SCGB2B2: variants seen among roughly 807,000 people sequenced by gnomAD.
The protein encoded by SCGB2B2 is secretoglobin-like protein.
SCGB2B2 carries 11 observed loss-of-function variants against 7.6 expected under a neutral mutation model. The ratio of observed to expected loss-of-function variants is 1.45; its 90% CI spans 0.91 to 2.40. SCGB2B2 has a LOEUF of 2.40. SCGB2B2 is among the 30% of genes most tolerant of loss of function. The pLI is 0.00. For synonymous variants in SCGB2B2, 50 were observed against 48.6 expected (o/e 1.03, Z -0.12); for missense variants, 104 against 115.4 (o/e 0.90, Z 0.45).
intron 1 of SCGB2B2, among the ~76,000 whole-genome samples, chr19:34,660,770 C>T (rs1173860035): frequency 6.6e-6 from 1 of 152,220 alleles, no homozygotes; most frequent in African/African-American, 2.4e-5. Flanking sequence ...GATCCCTTTA[C>T]TGGGTATATA....
downstream of SCGB2B2, among the ~76,000 whole-genome samples, chr19:34,589,185 C>T (rs554318462): frequency 2.6e-5 from 4 of 152,140 alleles, no homozygotes; most frequent in Non-Finnish European, 5.9e-5. Context: ...GTACTGCCCA[C>T]CTAAGACTGG....
intron 1 of SCGB2B2, chr19:34,608,687 C>CTATATATATATATATATATATATA (rs1568430852): frequency 7.5e-5 from 3 of 40,060 alleles, no homozygotes; most frequent in Non-Finnish European, 1.4e-4. Flanking sequence ...ATATATATAC[C>CTATATATATATATATATATATATA]GTATTTTCTT....
chr19:34,597,570 T>G (rs945119771), intron 1 of SCGB2B2, among the ~76,000 whole-genome samples: 5 of 152,202 alleles, frequency 3.3e-5, no homozygotes, highest in African/African-American at 9.6e-5. Flanking sequence ...GCTTAGGAAG[T>G]GCCTCCCTTG....
chr19:34,621,816 G>A (rs1455157859), intron 1 of SCGB2B2, among the ~76,000 whole-genome samples: 1 of 152,184 alleles, frequency 6.6e-6, no homozygotes, highest in Non-Finnish European at 1.5e-5. Context: ...TGGCTTCTGG[G>A]TTTTCTAGGG....
intron 1 of SCGB2B2, among the ~76,000 whole-genome samples, chr19:34,670,253 A>C (rs2067767530): frequency 6.6e-6 from 1 of 152,238 alleles, no homozygotes; most frequent in African/African-American, 2.4e-5. Context: ...CATAAAATAC[A>C]GAAAATAAAA....
chr19:34,655,234 T>C lies in SCGB2B2; in HGVS notation c.-2032+20396A>G, dbSNP rs901102461. On this transcript the variant is annotated intron_variant, in intron 1 of 3. Coordinates refer to ENST00000601241, the MANE Select transcript of SCGB2B2 (RefSeq NM_001025591.4). ...TCAGACCTGCCTCATTATACCCAAT[T>C]CCCTTTTGGAATTCAGGAAAAGCTG... 4.6e-5 allele frequency among the ~76,000 whole-genome samples: 7 copies of C among 151,106 alleles called. 1 individual carries two copies. The highest frequency in any genetic ancestry group is 1.7e-4 in the African/African-American group (7 of 40,452).
rs1019753342 is a variant in SCGB2B2 at position 34,650,732 on chromosome 19, G to A, written c.-2032+24898C>T. The stretch of plus-strand genomic sequence containing the variant: ...CTCTTCCTGAAAATTGAAGAGTACG[G>A]AATTCTTCCAAATTCATTTTACAAG... On this transcript the variant is annotated intron_variant, in intron 1 of 3. Coordinates refer to ENST00000601241, the MANE Select transcript of SCGB2B2 (RefSeq NM_001025591.4). Among the ~76,000 whole-genome samples, 2 of 151,228 alleles carry A rather than the reference G, an allele frequency of 1.3e-5. 1 individual carries two copies. Among genetic ancestry groups the A allele is most frequent in the Admixed American group, 1.3e-4 (2 of 15,252 alleles).
rs1279920423 is a variant in SCGB2B2 at position 34,594,927 on chromosome 19, G to A, written c.-364C>T. On this transcript the variant is annotated 5_prime_UTR_variant, in exon 2 of 4. In the 5' UTR this introduces an upstream ATG that the reference lacks. Transcript: ENST00000601241. ...CATGTGACCCTGTGTCTTGGCAAAC[G>A]TGTGTCTGCACTTGGCACGCCCTAG... 5 of 303,364 alleles carry A rather than the reference G, an allele frequency of 1.6e-5. No homozygotes were observed. The highest frequency in any genetic ancestry group is 1.3e-4 in the South Asian group (3 of 23,612). 18.8% of individuals were successfully genotyped at this position (303,364 alleles called of 1,614,324 possible). A position where few individuals can be genotyped will look rare whatever the true frequency, so the allele number is the denominator to read the frequency against.
intron 1 of SCGB2B2, among the ~76,000 whole-genome samples, chr19:34,610,853 T>G (rs1225485830): frequency 6.6e-6 from 1 of 151,568 alleles, no homozygotes; most frequent in Non-Finnish European, 1.5e-5. Flanking sequence ...TTTGAAAGAA[T>G]TCCATTCTTT....
At position 34,628,904 on chromosome 19, in the gene SCGB2B2, C is replaced by CA. The variant is rs1337941231; in HGVS notation, c.-2031-32311dup. Among the ~76,000 whole-genome samples, 5 of 151,940 alleles carry CA rather than the reference C, an allele frequency of 3.3e-5. 1 individual carries two copies. Among genetic ancestry groups the CA allele is most frequent in the Admixed American group, 2.0e-4 (3 of 15,248 alleles). On this transcript the variant is annotated intron_variant, in intron 1 of 3. Transcript: ENST00000601241. ...TGGCAAACCGAATCCAGCAGCACAT[C>CA]AAAAAGCTTATCCACCACAATCAAG...
chr19:34,607,613 C>T (rs960353849), intron 1 of SCGB2B2, among the ~76,000 whole-genome samples: 1 of 152,158 alleles, frequency 6.6e-6, no homozygotes, highest in Non-Finnish European at 1.5e-5. Flanking sequence ...CAAACACTTA[C>T]GATTTCTTGT....
At chr19:34,599,453 G>A (rs1460591664) in intron 1 of SCGB2B2, among the ~76,000 whole-genome samples, 1 of 152,342 alleles carries the variant, frequency 6.6e-6, no homozygotes, top group South Asian at 2.1e-4. Context: ...TCACAATCAC[G>A]GTGGAAGGTG....
At chr19:34,586,443 TTCC>T (rs1205688332), downstream of SCGB2B2, among the ~76,000 whole-genome samples, 1 of 152,186 alleles carries the variant, frequency 6.6e-6, no homozygotes, top group East Asian at 1.9e-4. Context: ...CCTTAATCCC[TTCC>T]TCCTCTCTAG....
Position 34,596,333 on chromosome 19 carries a change from C to T in SCGB2B2, c.-1770G>A, listed in dbSNP as rs2065451587. The T allele has an allele frequency of 6.6e-6, 1 of 152,322 alleles. No homozygotes were observed. The allele number at this position is 152,322 out of a possible 1,614,324, so 9.4% of individuals were successfully genotyped here. A position where few individuals can be genotyped will look rare whatever the true frequency, so the allele number is the denominator to read the frequency against. ...TCCCTGCCACCTGTGGTCCTGCAGCCTGGGCTGCAACCTGCGCAGTGCAGG... is the reference window on the plus strand; with the variant it reads ...TCCCTGCCACCTGTGGTCCTGCAGCTTGGGCTGCAACCTGCGCAGTGCAGG... On this transcript the variant is annotated 5_prime_UTR_variant, in exon 2 of 4. Transcript: ENST00000601241.
rs1189296393 is a variant in SCGB2B2 at position 34,658,790 on chromosome 19, C to CACAACA, written c.-2032+16834_-2032+16839dup. ...TCCTGATACCAAAGCCTGGCAGAGACACAACAACAACAACAACAACAACAA... is the reference window on the plus strand; with the variant it reads ...TCCTGATACCAAAGCCTGGCAGAGACACAACAACAACAACAACAACAACAACAACAA... On this transcript the variant is annotated intron_variant, in intron 1 of 3. Coordinates refer to ENST00000601241, the MANE Select transcript of SCGB2B2 (RefSeq NM_001025591.4). Among the ~76,000 whole-genome samples, 35 of 115,368 alleles carry CACAACA rather than the reference C, an allele frequency of 3.0e-4. 4 individuals carry two copies. The highest frequency in any genetic ancestry group is 4.9e-4 in the East Asian group (2 of 4,110). 75.7% of individuals were successfully genotyped at this position (115,368 alleles called of 152,430 possible). A position where few individuals can be genotyped will look rare whatever the true frequency, so the allele number is the denominator to read the frequency against.
At chr19:34,637,811 C>T (rs2066727737) in intron 1 of SCGB2B2, 2 of 152,084 alleles carry the variant, frequency 1.3e-5, no homozygotes, top group Admixed American at 6.6e-5. Context: ...GGGAATACAC[C>T]ACCCGATGGG....
intron 1 of SCGB2B2, among the ~76,000 whole-genome samples, chr19:34,623,787 C>G (rs1232047029): frequency 6.6e-6 from 1 of 152,172 alleles, no homozygotes; most frequent in Non-Finnish European, 1.5e-5. Flanking sequence ...CAATTGACTT[C>G]TAAGCATAAA....
At chr19:34,617,401 A>G (rs1216821054) in intron 1 of SCGB2B2, among the ~76,000 whole-genome samples, 4 of 151,586 alleles carry the variant, frequency 2.6e-5, no homozygotes, top group African/African-American at 2.4e-5. Context: ...GGTCCTTCAC[A>G]TCCCTTGTAA....
chr19:34,666,704 C>T (rs552648947), intron 1 of SCGB2B2, among the ~76,000 whole-genome samples: 1 of 152,322 alleles, frequency 6.6e-6, no homozygotes, highest in South Asian at 2.1e-4. Context: ...CCAAGTGTAA[C>T]CCACACCCTA....
Sources: gnomAD v4.1 joint callset for allele counts (sites outside exome capture counted in the v4.1 genomes callset) on GRCh38, gnomAD v4.1.1 for gene constraint, MANE v1.5 for transcripts, NCBI Gene and HGNC (gene_info 2026-07-23, HGNC 2026-07-21) for gene names.